PHYHIPL: variants seen among roughly 807,000 people sequenced by gnomAD.
PHYHIPL encodes phytanoyl-CoA 2-hydroxylase interacting protein like.
Under a neutral mutation model 33.4 loss-of-function variants are expected in PHYHIPL, and 9 were observed. The ratio of observed to expected loss-of-function variants is 0.27; its 90% CI spans 0.16 to 0.47. The LOEUF is 0.47. Among genes scored for constraint, PHYHIPL ranks in the 20% least tolerant of loss-of-function variants. The probability of loss-of-function intolerance (pLI) is 0.99; values close to 1 mark genes in which losing one functional copy is unlikely to be tolerated. For synonymous variants in PHYHIPL, 153 were observed against 154.1 expected, an observed-to-expected ratio of 0.99 and a Z score of 0.05; for missense variants, 365 against 460.7, an observed-to-expected ratio of 0.79 and a Z score of 1.90.
intron 2 of PHYHIPL, 101 bp from the exon 3 acceptor site, chr10:59,236,382 T>A: frequency 3.9e-6 from 2 of 507,638 alleles, no homozygotes; most frequent in Non-Finnish European, 6.4e-6. Context: ...TCCTTCTCCC[T>A]TCCCTCCTTC....
chr10:59,227,352 G>A (rs892320361), intron 1 of PHYHIPL, among the ~76,000 whole-genome samples: 7 of 151,908 alleles, frequency 4.6e-5, no homozygotes, highest in Admixed American at 2.6e-4. Context: ...ACTTTATAAC[G>A]ACACTCTTTC....
chr10:59,173,871 A>T (rs1010299456), upstream of PHYHIPL, among the ~76,000 whole-genome samples: 1 of 142,538 alleles, frequency 7.0e-6, no homozygotes, highest in Admixed American at 7.1e-5. Flanking sequence ...GGAAAATGAG[A>T]CTGAGAGGCT....
At chr10:59,214,819 A>T (rs996121370) in intron 1 of PHYHIPL, among the ~76,000 whole-genome samples, 15 of 152,056 alleles carry the variant, frequency 9.9e-5, no homozygotes, top group Non-Finnish European at 1.8e-4. Flanking sequence ...TATTGCCCAG[A>T]TGATGGTATT....
chr10:59,185,743 G>C (rs917652821), intron 1 of PHYHIPL, among the ~76,000 whole-genome samples: 2 of 152,122 alleles, frequency 1.3e-5, no homozygotes, highest in Non-Finnish European at 2.9e-5. Flanking sequence ...TCATGTGTCT[G>C]TTGGCTGCGT....
At chr10:59,198,504 G>T (rs553067966) in intron 1 of PHYHIPL, among the ~76,000 whole-genome samples, 2 of 152,012 alleles carry the variant, frequency 1.3e-5, no homozygotes, top group South Asian at 4.1e-4. Flanking sequence ...GAATAGTGCC[G>T]CACTGAACAT....
chr10:59,233,328 G>T (rs1327359036), intron 1 of PHYHIPL, among the ~76,000 whole-genome samples: 1 of 151,788 alleles, frequency 6.6e-6, no homozygotes, highest in Non-Finnish European at 1.5e-5. Flanking sequence ...ACCACAAGGT[G>T]AACATTCACT....
chr10:59,204,344 A>G (rs970425018), intron 1 of PHYHIPL, among the ~76,000 whole-genome samples: 1 of 152,208 alleles, frequency 6.6e-6, no homozygotes, highest in Non-Finnish European at 1.5e-5. Flanking sequence ...GTGACAGTTC[A>G]TAACCATTCT....
upstream of PHYHIPL, among the ~76,000 whole-genome samples, chr10:59,176,430 C>T (rs1457232226): frequency 6.6e-6 from 1 of 152,000 alleles, no homozygotes; most frequent in African/African-American, 2.4e-5. Flanking sequence ...ACGCCTCACG[C>T]GCGAGGTTGC....
intron 1 of PHYHIPL, among the ~76,000 whole-genome samples, chr10:59,198,747 CT>C (rs35081606): frequency 0.25 from 37,413 of 152,054 alleles, 6,541 homozygotes; most frequent in African/African-American, 0.49. Flanking sequence ...GATCGCCATT[CT>C]AACTGGTGTG....
chr10:59,247,493 C>A lies in PHYHIPL; in HGVS notation c.*1902C>A. ...ACTTGCTATTCCTTCTTAAAAACAGCTAATACTACCACTAAAGTGCTTCCA... is the reference window on the plus strand; with the variant it reads ...ACTTGCTATTCCTTCTTAAAAACAGATAATACTACCACTAAAGTGCTTCCA... On this transcript the variant is annotated 3_prime_UTR_variant, in exon 5 of 5. Transcript: ENST00000373880. The A allele has an allele frequency of 3.3e-6, 4 of 1,220,812 alleles. No homozygotes were observed. The South Asian group carries it at 5.2e-5, about 16-fold the overall frequency. The allele number at this position is 1,220,812 out of a possible 1,614,324, so 75.6% of individuals were successfully genotyped here.
chr10:59,246,028 T>G lies in PHYHIPL; in HGVS notation c.*437T>G, dbSNP rs1840669710. ...GTGTAATTGCAGCATGAGTTAAATC[T>G]TGAAGCCTAGAATTGTCAGCACTTC... On this transcript the variant is annotated 3_prime_UTR_variant, in exon 5 of 5. Transcript: ENST00000373880. The G allele has an allele frequency of 6.4e-6, 1 of 155,098 alleles. No homozygotes were observed. Among genetic ancestry groups the G allele is most frequent in the Admixed American group, 6.5e-5 (1 of 15,444 alleles). The allele number at this position is 155,098 out of a possible 1,614,324, so 9.6% of individuals were successfully genotyped here. A position where few individuals can be genotyped will look rare whatever the true frequency, so the allele number is the denominator to read the frequency against.
Position 59,246,875 on chromosome 10 carries a change from T to C in PHYHIPL, c.*1284T>C, listed in dbSNP as rs1364907713. The C allele has an allele frequency of 5.5e-6, 2 of 361,320 alleles. No homozygotes were observed. Among genetic ancestry groups the C allele is most frequent in the Non-Finnish European group, 9.8e-6 (2 of 203,640 alleles). The allele number at this position is 361,320 out of a possible 1,614,324, so 22.4% of individuals were successfully genotyped here. ...ACTACAGACACATATCTATCCAAAATACCTATTTTAAATTTTTAATACAAT... is the reference window on the plus strand; with the variant it reads ...ACTACAGACACATATCTATCCAAAACACCTATTTTAAATTTTTAATACAAT... On this transcript the variant is annotated 3_prime_UTR_variant, in exon 5 of 5. Coordinates refer to ENST00000373880, the MANE Select transcript of PHYHIPL (RefSeq NM_032439.4).
chr10:59,193,904 T>TA (rs1352072687), intron 1 of PHYHIPL, among the ~76,000 whole-genome samples: 3 of 152,132 alleles, frequency 2.0e-5, no homozygotes, highest in Non-Finnish European at 4.4e-5. Flanking sequence ...ATTTGCTGTT[T>TA]ATACTACTTG....
Position 59,207,745 on chromosome 10 carries a change from G to T in PHYHIPL, c.107-26559G>T, listed in dbSNP as rs545529701. On this transcript the variant is annotated intron_variant, in intron 1 of 4. Coordinates refer to ENST00000373880, the MANE Select transcript of PHYHIPL (RefSeq NM_032439.4). ...TCTCTACTAAAAATACAAAAAATTA[G>T]CTGGGCGTGGTGGTGGGCGCCTGTA... 3.3e-5 allele frequency among the ~76,000 whole-genome samples: 5 copies of T among 152,218 alleles called. No homozygotes were observed. The South Asian group carries it at 8.3e-4, about 25-fold the overall frequency.
Position 59,247,650 on chromosome 10 carries a change from G to A in PHYHIPL, c.*2059G>A, listed in dbSNP as rs560951819. The A allele has an allele frequency of 2.5e-5, 41 of 1,613,392 alleles. 1 individual carries two copies. The South Asian group carries it at 4.5e-4, about 18-fold the overall frequency. On this transcript the variant is annotated 3_prime_UTR_variant, in exon 5 of 5. Coordinates refer to ENST00000373880, the MANE Select transcript of PHYHIPL (RefSeq NM_032439.4). Reference sequence around the variant, plus strand: ...TGGCCACATCTTGCTTGCTGATGAGGACCTCTAATAGTCTCAGTTTGGCTT... The same window carrying A: ...TGGCCACATCTTGCTTGCTGATGAGAACCTCTAATAGTCTCAGTTTGGCTT...
At chr10:59,175,801 A>C (rs944804961), upstream of PHYHIPL, among the ~76,000 whole-genome samples, 1 of 152,188 alleles carries the variant, frequency 6.6e-6, no homozygotes, top group Admixed American at 6.5e-5. Context: ...GGTGCTGTTT[A>C]TACTCCCTTC....
chr10:59,191,162 C>T (rs536270370), intron 1 of PHYHIPL, among the ~76,000 whole-genome samples: 7 of 151,750 alleles, frequency 4.6e-5, no homozygotes, highest in Non-Finnish European at 8.9e-5. Flanking sequence ...CTGAATTTAC[C>T]TAGTTAAAAA....
intron 1 of PHYHIPL, among the ~76,000 whole-genome samples, chr10:59,215,176 C>G (rs534478735): frequency 3.9e-5 from 6 of 152,090 alleles, no homozygotes; most frequent in African/African-American, 1.4e-4. Flanking sequence ...ACAGGATTTA[C>G]CCATATAATG....
chr10:59,206,039 C>T (rs1035414029), intron 1 of PHYHIPL, among the ~76,000 whole-genome samples: 1 of 152,152 alleles, frequency 6.6e-6, no homozygotes, highest in African/African-American at 2.4e-5. Context: ...AGTAATTAAA[C>T]TCTTATTTTA....
Sources: allele counts gnomAD v4.1 joint callset (sites outside exome capture counted in the v4.1 genomes callset), GRCh38; gene constraint gnomAD v4.1.1; transcripts MANE v1.5; gene names NCBI Gene and HGNC (gene_info 2026-07-23, HGNC 2026-07-21).